BARX2: variants seen among roughly 807,000 people sequenced by gnomAD.
BARX2 encodes the protein homeobox protein BarH-like 2.
Under a neutral mutation model 25.5 loss-of-function variants are expected in BARX2, and 11 were observed. The observed-to-expected ratio is 0.43, with a 90% CI of 0.27 to 0.71. BARX2 has a LOEUF of 0.71. Among genes scored for constraint, BARX2 ranks in the 30% least tolerant of loss-of-function variants. BARX2 has a pLI of 0.19. For synonymous variants in BARX2, 137 were observed against 149.5 expected, an observed-to-expected ratio of 0.92 and a Z score of 0.61; for missense variants, 360 against 359.9, an observed-to-expected ratio of 1.00 and a Z score of 0.00.
chr11:129,421,072 G>A (rs1158872086), intron 1 of BARX2, among the ~76,000 whole-genome samples: 3 of 152,154 alleles, frequency 2.0e-5, no homozygotes, highest in East Asian at 1.9e-4. Context: ...ATTTGGCTCC[G>A]TGCAAGGGAA....
At chr11:129,416,691 A>C (rs1456051611) in intron 1 of BARX2, among the ~76,000 whole-genome samples, 1 of 152,006 alleles carries the variant, frequency 6.6e-6, no homozygotes, top group Non-Finnish European at 1.5e-5. Flanking sequence ...TTTATATTTA[A>C]ATACTACCTT....
At chr11:129,418,973 T>A (rs1861974115) in intron 1 of BARX2, among the ~76,000 whole-genome samples, 1 of 152,202 alleles carries the variant, frequency 6.6e-6, no homozygotes, top group Non-Finnish European at 1.5e-5. Context: ...GTTTGCACGT[T>A]CTCTCCATGT....
chr11:129,417,062 C>T (rs1476845808), intron 1 of BARX2, among the ~76,000 whole-genome samples: 6 of 151,824 alleles, frequency 4.0e-5, no homozygotes, highest in African/African-American at 9.7e-5. Flanking sequence ...CCACCACGCC[C>T]GGCTAATTTT....
chr11:129,436,817 A>G lies in BARX2; in HGVS notation c.254A>G (p.His85Arg). ...VITRQPTVISHLVPATPGIAQ... is the reference protein window; with the variant it reads ...VITRQPTVISRLVPATPGIAQ... The stretch of plus-strand genomic sequence containing the variant: ...ACCCGCCAGCCCACTGTCATCTCCC[A>G]CCTGGTCCCTGCCACCCCGGGAATC... Residue 85 changes from histidine to arginine, a missense_variant, in exon 2 of 4, where the codon CAC becomes CGC. His to Arg is a conservative substitution (Grantham distance 29). Coordinates refer to ENST00000281437, the MANE Select transcript of BARX2 (RefSeq NM_003658.5). This position sits in a 1 kb window ranked among gnomAD's most constrained non-coding sequence, Gnocchi z 4.5. 6.2e-7 allele frequency: 1 copy of G among 1,610,826 alleles called. No individual in the cohort carries two copies. Among genetic ancestry groups the G allele is most frequent in the Non-Finnish European group, 8.5e-7 (1 of 1,179,022 alleles).
In BARX2 at chr11:129,376,186, C is replaced by A. The variant is rs1861501607; in HGVS notation, c.151C>A (p.Leu51Met). Residue 51 changes from leucine to methionine, a missense_variant, in exon 1 of 4, where the codon CTG becomes ATG. Coordinates refer to ENST00000281437, the MANE Select transcript of BARX2 (RefSeq NM_003658.5). The surrounding 1 kb of genome is among the most constrained non-coding windows in gnomAD (Gnocchi z 4.2). Reference sequence around the variant, plus strand: ...TTCCCTCTACTCCGTGTGCCCGTCGCTGGTCGTGCGACCCAAGCCCCTGCA... The same window carrying A: ...TTCCCTCTACTCCGTGTGCCCGTCGATGGTCGTGCGACCCAAGCCCCTGCA... Reference protein sequence around the residue: ...KLSLYSVCPSLVVRPKPLHSC... With the variant: ...KLSLYSVCPSMVVRPKPLHSC... The A allele has an allele frequency of 6.2e-7, 1 of 1,611,506 alleles. No homozygotes were observed. Among genetic ancestry groups the A allele is most frequent in the African/African-American group, 1.3e-5 (1 of 74,706 alleles).
chr11:129,397,824 C>T (rs1325512479), intron 1 of BARX2, among the ~76,000 whole-genome samples: 1 of 152,188 alleles, frequency 6.6e-6, no homozygotes, highest in African/African-American at 2.4e-5. Context: ...GGAGGGCAGC[C>T]TCTAAGTTGA....
intron 1 of BARX2, among the ~76,000 whole-genome samples, chr11:129,401,824 C>A (rs866103573): frequency 2.1e-4 from 32 of 152,084 alleles, no homozygotes; most frequent in African/African-American, 7.0e-4. Flanking sequence ...GGTGTGGTGG[C>A]AGACACCTAT....
At chr11:129,384,076 G>T (rs1444538928) in intron 1 of BARX2, among the ~76,000 whole-genome samples, 3 of 152,084 alleles carry the variant, frequency 2.0e-5, no homozygotes, top group Non-Finnish European at 4.4e-5. Flanking sequence ...GTTTCACCAT[G>T]TTGGCCAGGC....
intron 1 of BARX2, among the ~76,000 whole-genome samples, chr11:129,407,618 A>G (rs928341614): frequency 3.3e-5 from 5 of 152,190 alleles, no homozygotes; most frequent in African/African-American, 1.2e-4. Flanking sequence ...TTATTAGTGG[A>G]TAATACAGTT....
chr11:129,388,449 C>T (rs1861636363), intron 1 of BARX2, among the ~76,000 whole-genome samples: 1 of 152,192 alleles, frequency 6.6e-6, no homozygotes, highest in African/African-American at 2.4e-5. Context: ...CATCAGCTGT[C>T]ATTCTTTGAA....
At chr11:129,432,209 C>T (rs1007968592) in intron 1 of BARX2, among the ~76,000 whole-genome samples, 16 of 151,942 alleles carry the variant, frequency 1.1e-4, no homozygotes, top group East Asian at 7.7e-4. Context: ...ATTACAGGTG[C>T]GTGCCACCAC....
chr11:129,448,837 A>G (rs1449193542), intron 3 of BARX2, among the ~76,000 whole-genome samples: 4 of 152,260 alleles, frequency 2.6e-5, no homozygotes, highest in Non-Finnish European at 5.9e-5. Context: ...CGAACAAAAC[A>G]TAGTATATCC....
At position 129,391,243 on chromosome 11, in the gene BARX2, C is replaced by T. The variant is rs140948620; in HGVS notation, c.187+15021C>T. Among the ~76,000 whole-genome samples the T allele has an allele frequency of 1.2e-3, 180 of 152,152 alleles. 1 individual carries two copies. Among genetic ancestry groups the T allele is most frequent in the Admixed American group, 1.8e-3 (27 of 15,278 alleles). On this transcript the variant is annotated intron_variant, in intron 1 of 3. Transcript: ENST00000281437. ...AAGGATGGTTTTCACATTCGTAAACCGAGGAAAAGAAATCAAAAGCGGAAC... is the reference window on the plus strand; with the variant it reads ...AAGGATGGTTTTCACATTCGTAAACTGAGGAAAAGAAATCAAAAGCGGAAC...
chr11:129,412,203 C>T (rs965496894), intron 1 of BARX2, among the ~76,000 whole-genome samples: 15 of 151,214 alleles, frequency 9.9e-5, no homozygotes, highest in Non-Finnish European at 1.3e-4. Context: ...ACCTGGGAGG[C>T]GGAGCTTGCA....
chr11:129,418,925 A>G (rs1762254731), intron 1 of BARX2, among the ~76,000 whole-genome samples: 1 of 152,222 alleles, frequency 6.6e-6, no homozygotes, highest in Non-Finnish European at 1.5e-5. Context: ...AACGTTGATG[A>G]AAAACATTAA....
chr11:129,431,415 A>G (rs765217856), intron 1 of BARX2, among the ~76,000 whole-genome samples: 7 of 152,178 alleles, frequency 4.6e-5, no homozygotes, highest in Non-Finnish European at 4.4e-5. Flanking sequence ...CTCGCCAGCA[A>G]TGAAGGAGAG....
At chr11:129,421,114 G>T (rs1591439931) in intron 1 of BARX2, among the ~76,000 whole-genome samples, 1 of 152,210 alleles carries the variant, frequency 6.6e-6, no homozygotes, top group East Asian at 1.9e-4. Context: ...GGGAGCAACT[G>T]TCTTTGGTCC....
At chr11:129,441,701 C>T (rs1476166179) in intron 2 of BARX2, among the ~76,000 whole-genome samples, 4 of 152,168 alleles carry the variant, frequency 2.6e-5, no homozygotes, top group South Asian at 2.1e-4. Flanking sequence ...CCACCCGCCT[C>T]GGCCTCCCAA....
chr11:129,381,062 A>G (rs1861558276), intron 1 of BARX2, among the ~76,000 whole-genome samples: 1 of 152,214 alleles, frequency 6.6e-6, no homozygotes, highest in African/African-American at 2.4e-5. Context: ...GGCATGAGCC[A>G]TCGCGCCCGC....
Sources: allele counts gnomAD v4.1 joint callset (sites outside exome capture counted in the v4.1 genomes callset), GRCh38; gene constraint gnomAD v4.1.1; non-coding constraint Gnocchi (gnomAD v3.1); transcripts MANE v1.5; gene names NCBI Gene and HGNC (gene_info 2026-07-23, HGNC 2026-07-21).